KLRG1: variants seen among roughly 807,000 people sequenced by gnomAD.
The protein encoded by KLRG1 is killer cell lectin like receptor G1, also known as killer cell lectin-like receptor subfamily G member 1.
A neutral mutation model predicts 21.8 loss-of-function variants in KLRG1; 16 were observed. That is an observed-to-expected ratio of 0.73 (90% CI 0.50 to 1.11). KLRG1 has a LOEUF of 1.11. Among genes scored for constraint, KLRG1 ranks in the 50% most tolerant of loss-of-function variants. KLRG1 has a pLI of 0.00. For synonymous variants in KLRG1, 69 were observed against 75.9 expected (o/e 0.91, Z 0.47); for missense variants, 173 against 218.3 (o/e 0.79, Z 1.31).
At chr12:8,974,396 T>G (rs1021319499) in intron 1 of KLRG1, among the ~76,000 whole-genome samples, 1 of 152,154 alleles carries the variant, frequency 6.6e-6, no homozygotes. Flanking sequence ...CTCGATCTCC[T>G]GACCTTGTGA....
chr12:9,090,329 A>G, the KLRG1 span: 1 of 1,613,898 alleles, frequency 6.2e-7, no homozygotes, highest in East Asian at 2.2e-5. Context: ...TTGAGTAGAG[A>G]ATTATCTCTA....
At chr12:9,202,288 A>G in the KLRG1 span, 2 of 1,590,820 alleles carry the variant, frequency 1.3e-6, no homozygotes, top group East Asian at 2.2e-5. Flanking sequence ...CACTCTACCC[A>G]CAACCCAAAC....
the KLRG1 span, among the ~76,000 whole-genome samples, chr12:9,020,733 C>T: frequency 2.3e-3 from 343 of 152,252 alleles, 3 homozygotes; most frequent in African/African-American, 6.4e-3. Flanking sequence ...CATTTGGATA[C>T]GAATCTTTGA....
the KLRG1 span, among the ~76,000 whole-genome samples, chr12:9,199,540 T>A: frequency 6.6e-6 from 1 of 152,150 alleles, no homozygotes; most frequent in Non-Finnish European, 1.5e-5. Flanking sequence ...CTCTTAAAAT[T>A]GCCCAGAGGA....
chr12:9,141,864 T>G, the KLRG1 span, among the ~76,000 whole-genome samples: 1 of 152,202 alleles, frequency 6.6e-6, no homozygotes, highest in African/African-American at 2.4e-5. Context: ...TCCGACTTAT[T>G]CCAGCATTTA....
downstream of KLRG1, among the ~76,000 whole-genome samples, chr12:9,011,106 GA>G (rs1947626514): frequency 6.6e-6 from 1 of 152,188 alleles, no homozygotes; most frequent in Non-Finnish European, 1.5e-5. Context: ...TGAAAGATAA[GA>G]AAAGGAGAAC....
the KLRG1 span, among the ~76,000 whole-genome samples, chr12:9,096,691 A>C: frequency 6.6e-6 from 1 of 152,254 alleles, no homozygotes; most frequent in Non-Finnish European, 1.5e-5. Flanking sequence ...ATTGACAAGA[A>C]CAGATGAGCA....
the KLRG1 span, among the ~76,000 whole-genome samples, chr12:9,119,710 A>G: frequency 1.3e-5 from 2 of 152,200 alleles, no homozygotes; most frequent in Admixed American, 1.3e-4. Flanking sequence ...TGGAGTGAGA[A>G]GGGATGATCC....
chr12:9,121,950 G>A, the KLRG1 span, among the ~76,000 whole-genome samples: 1 of 152,140 alleles, frequency 6.6e-6, no homozygotes, highest in East Asian at 1.9e-4. The surrounding 1 kb of genome is among the most constrained non-coding windows in gnomAD (Gnocchi z 4.4). Flanking sequence ...TGATGGGGAG[G>A]GGAGCATGAT....
chr12:9,118,299 T>C, the KLRG1 span, among the ~76,000 whole-genome samples: 3 of 152,204 alleles, frequency 2.0e-5, no homozygotes, highest in Non-Finnish European at 4.4e-5. Flanking sequence ...AAGCTGGGTA[T>C]GGCATATGAC....
the KLRG1 span, chr12:9,158,644 C>A: frequency 6.7e-7 from 1 of 1,487,412 alleles, no homozygotes; most frequent in Admixed American, 2.0e-5. Context: ...GTTTTGTACA[C>A]ACAGGCTCCC....
At chr12:9,075,176 G>A in the KLRG1 span, among the ~76,000 whole-genome samples, 1 of 152,000 alleles carries the variant, frequency 6.6e-6, no homozygotes, top group Non-Finnish European at 1.5e-5. Flanking sequence ...CAGATCACAT[G>A]AAATAGTAGA....
chr12:9,042,818 T>A, the KLRG1 span, among the ~76,000 whole-genome samples: 1 of 152,166 alleles, frequency 6.6e-6, no homozygotes, highest in African/African-American at 2.4e-5. Context: ...ATGGGCAATG[T>A]CTTATAGAAA....
At chr12:9,149,030 A>G in the KLRG1 span, 166 of 1,594,518 alleles carry the variant, frequency 1.0e-4, 2 homozygotes, top group African/African-American at 1.8e-3. Flanking sequence ...AGGTTGTATC[A>G]TTTCCTGAGG....
At chr12:8,965,635 G>T (rs1164251390) in intron 1 of KLRG1, among the ~76,000 whole-genome samples, 1 of 152,284 alleles carries the variant, frequency 6.6e-6, no homozygotes, top group Non-Finnish European at 1.5e-5. Flanking sequence ...TACAAGGGAT[G>T]TGAAGGACCT....
chr12:8,966,950 G>T (rs1240458084), intron 1 of KLRG1, among the ~76,000 whole-genome samples: 10 of 147,600 alleles, frequency 6.8e-5, no homozygotes, highest in Non-Finnish European at 1.4e-4. Context: ...GTCCAACAAT[G>T]ATAGACTGGA....
chr12:9,194,512 T>TGC, the KLRG1 span, among the ~76,000 whole-genome samples: 13 of 142,800 alleles, frequency 9.1e-5, no homozygotes, highest in African/African-American at 3.1e-4. Context: ...TCGCCCAGGC[T>TGC]GGAGTGCAGT....
chr12:9,112,899 TG>T, the KLRG1 span, among the ~76,000 whole-genome samples: 2 of 152,182 alleles, frequency 1.3e-5, no homozygotes, highest in African/African-American at 4.8e-5. Context: ...CGTATTTTAC[TG>T]ACACTAGGCT....
the KLRG1 span, chr12:9,037,230 T>G: frequency 1.3e-5 from 2 of 155,062 alleles, no homozygotes; most frequent in Non-Finnish European, 2.9e-5. Flanking sequence ...TGTCCTGGAG[T>G]TGGAGACTTA....
Sources: allele counts gnomAD v4.1 joint callset (sites outside exome capture counted in the v4.1 genomes callset), GRCh38; gene constraint gnomAD v4.1.1; non-coding constraint Gnocchi (gnomAD v3.1); transcripts MANE v1.5; gene names NCBI Gene and HGNC (gene_info 2026-07-23, HGNC 2026-07-21).